The following HYDIN variants were observed in gnomAD, a reference collection of about 807,000 sequenced individuals.
The protein encoded by HYDIN is axonemal central pair apparatus protein HYDIN.
In HYDIN, 132 loss-of-function variants were observed where a neutral mutation model predicts 403.9. That is an observed-to-expected ratio of 0.33 (90% CI 0.28 to 0.38). The LOEUF is 0.38. HYDIN is among the 10% of genes least tolerant of loss of function. The pLI, the probability that HYDIN is intolerant of heterozygous loss-of-function variation, is 1.00. For synonymous variants in HYDIN, 1,202 were observed against 1,891.7 expected (o/e 0.64, Z 9.46); for missense variants, 2,827 against 5,009.5 (o/e 0.56, Z 13.15).
intron 47 of HYDIN, among the ~76,000 whole-genome samples, chr16:70,909,844 T>C (rs12103001): frequency 1.3e-5 from 2 of 151,630 alleles, no homozygotes; most frequent in East Asian, 1.9e-4. Context: ...TACAGGCGCC[T>C]GCCACCACGC....
chr16:71,102,358 A>G (rs1360173351), intron 10 of HYDIN, among the ~76,000 whole-genome samples: 1 of 152,110 alleles, frequency 6.6e-6, no homozygotes, highest in East Asian at 1.9e-4. Flanking sequence ...TATAAATTTT[A>G]AAAACACAAA....
At chr16:71,226,137 C>T (rs181242010) in intron 1 of HYDIN, among the ~76,000 whole-genome samples, 20 of 152,276 alleles carry the variant, frequency 1.3e-4, no homozygotes, top group Admixed American at 5.2e-4. Flanking sequence ...AGTAGAAGGA[C>T]TCAAACTACC....
At chr16:71,080,588 G>C (rs2144340862) in intron 12 of HYDIN, among the ~76,000 whole-genome samples, 1 of 117,414 alleles carries the variant, frequency 8.5e-6, no homozygotes, top group African/African-American at 4.3e-5. Context: ...TTATGATCTT[G>C]GAGAGATGCT....
At chr16:71,192,765 C>G (rs1016911238) in intron 1 of HYDIN, among the ~76,000 whole-genome samples, 1 of 152,184 alleles carries the variant, frequency 6.6e-6, no homozygotes. Flanking sequence ...TTTTTGAGGA[C>G]AGGAACTTTG....
intron 22 of HYDIN, among the ~76,000 whole-genome samples, chr16:71,019,916 T>G (rs2080417803): frequency 6.6e-6 from 1 of 152,298 alleles, no homozygotes; most frequent in South Asian, 2.1e-4. Context: ...GATTAAAGGC[T>G]CTGGAGCCAG....
chr16:70,957,067 C>T (rs2078263011), intron 39 of HYDIN, among the ~76,000 whole-genome samples: 1 of 149,806 alleles, frequency 6.7e-6, no homozygotes, highest in Non-Finnish European at 1.5e-5. Context: ...CCATCACCAC[C>T]ATCCACCTCC....
At chr16:70,842,623 G>A (rs1373362803) in intron 75 of HYDIN, among the ~76,000 whole-genome samples, 5 of 151,718 alleles carry the variant, frequency 3.3e-5, no homozygotes, top group Admixed American at 6.6e-5. Flanking sequence ...TGAATCCAAA[G>A]TGAGTCTCTT....
chr16:70,951,271 A>AGG (rs2078062663), intron 41 of HYDIN, among the ~76,000 whole-genome samples: 1 of 151,236 alleles, frequency 6.6e-6, no homozygotes, highest in Non-Finnish European at 1.5e-5. Flanking sequence ...AGAGAGAGAG[A>AGG]GAGAGAGAGG....
chr16:70,920,893 C>T lies in HYDIN; in HGVS notation c.7483G>A (p.Asp2495Asn), dbSNP rs368122246. 1.7e-4 allele frequency: 267 copies of T among 1,612,286 alleles called. No individual in the cohort carries two copies. The highest frequency in any genetic ancestry group is 1.3e-3 in the Admixed American group (76 of 59,548). The change falls in exon 46 of 86, where the codon GAC becomes AAC. Residue 2495 changes from aspartate to asparagine, a missense_variant. Coordinates refer to ENST00000393567, the MANE Select transcript of HYDIN (RefSeq NM_001270974.2). ...CCCAAGGGGACCTGGCGCTGGTCGT[C>T]GGGCTCATGGGGCGCTTCCTCCATC... ...AGMEEAPHEP[D>N]DQRQVPLGGR...
At chr16:70,979,212 G>C (rs1798545) in intron 29 of HYDIN, among the ~76,000 whole-genome samples, 171 bp from the exon 30 acceptor site, 1 of 133,538 alleles carries the variant, frequency 7.5e-6, no homozygotes, top group Non-Finnish European at 1.6e-5. Flanking sequence ...GTGAGGTGAT[G>C]TGAGAGTTGA....
chr16:71,224,559 CTTTTT>C (rs34595246), intron 1 of HYDIN, among the ~76,000 whole-genome samples: 1 of 117,386 alleles, frequency 8.5e-6, no homozygotes. Flanking sequence ...TAAGGTTTTT[CTTTTT>C]TTTTTTTTTT....
chr16:71,149,557 T>C (rs9746010), intron 7 of HYDIN, among the ~76,000 whole-genome samples: 1 of 152,178 alleles, frequency 6.6e-6, no homozygotes, highest in Non-Finnish European at 1.5e-5. Context: ...GATGGAGTCT[T>C]GCTCTGTTGC....
At position 71,008,210 on chromosome 16, in the gene HYDIN, C is replaced by T. The variant is rs189512951; in HGVS notation, c.3644+9919G>A. 5.9e-3 allele frequency among the ~76,000 whole-genome samples: 893 copies of T among 150,982 alleles called. 7 individuals carry two copies. The highest frequency in any genetic ancestry group is 0.031 in the Middle Eastern group (9 of 294). On this transcript the variant is annotated intron_variant, in intron 23 of 85. Transcript: ENST00000393567. ...AGTAGTATGCTCAGTACCTGGGTGACGGGATCCATACCCCAAACTTTAGCC... is the reference window on the plus strand; with the variant it reads ...AGTAGTATGCTCAGTACCTGGGTGATGGGATCCATACCCCAAACTTTAGCC...
intron 84 of HYDIN, among the ~76,000 whole-genome samples, chr16:70,813,558 G>C (rs1335730790): frequency 4.4e-4 from 66 of 151,630 alleles, no homozygotes; most frequent in Non-Finnish European, 7.7e-4. Context: ...CTGATCCTCA[G>C]AAACTGCGCA....
intron 10 of HYDIN, among the ~76,000 whole-genome samples, chr16:71,105,238 AC>A (rs1314880602): frequency 1.3e-5 from 2 of 152,072 alleles, no homozygotes; most frequent in Non-Finnish European, 2.9e-5. Context: ...TTAGAAAAAT[AC>A]CCAGAATACA....
At chr16:71,099,973 C>T (rs1413896385) in intron 10 of HYDIN, among the ~76,000 whole-genome samples, 2 of 152,080 alleles carry the variant, frequency 1.3e-5, no homozygotes, top group Non-Finnish European at 2.9e-5. Context: ...ACTTGCACTC[C>T]AGCCTGGGCA....
At chr16:71,032,501 TAC>T (rs1411956879) in intron 18 of HYDIN, among the ~76,000 whole-genome samples, 1 of 147,994 alleles carries the variant, frequency 6.8e-6, no homozygotes, top group Non-Finnish European at 1.5e-5. Context: ...TATTCTGAAA[TAC>T]AGACATGTGT....
chr16:70,932,711 A>C (rs545667754), intron 45 of HYDIN, among the ~76,000 whole-genome samples: 61 of 152,370 alleles, frequency 4.0e-4, no homozygotes, highest in African/African-American at 1.3e-3. Flanking sequence ...AGAGGAGTTC[A>C]GTGGCCAACC....
At position 71,220,449 on chromosome 16, in the gene HYDIN, A is replaced by G. The variant is rs141868086; in HGVS notation, c.-24+10113T>C. ...CAACTTACAAGTATCATTTTCTAAG[A>G]GCTTCTGACATGCATTCATTGTCAC... On this transcript the variant is annotated intron_variant, in intron 1 of 85. Transcript: ENST00000393567. Among the ~76,000 whole-genome samples, 414 of 152,332 alleles carry G rather than the reference A, an allele frequency of 2.7e-3. 8 individuals are homozygous for G. The South Asian group carries it at 0.028, about 10-fold the overall frequency.
Sources: gnomAD v4.1 joint callset for allele counts (sites outside exome capture counted in the v4.1 genomes callset) on GRCh38, gnomAD v4.1.1 for gene constraint, MANE v1.5 for transcripts, NCBI Gene and HGNC (gene_info 2026-07-23, HGNC 2026-07-21) for gene names.